Variants in CUEDC1 observed in about 807,000 individuals in gnomAD.
CUEDC1 encodes CUE domain-containing protein 1.
A neutral mutation model predicts 43.7 loss-of-function variants in CUEDC1; 30 were observed. That is an observed-to-expected ratio of 0.69 (90% confidence interval 0.51 to 0.93). CUEDC1 has a LOEUF of 0.93. Ranked by LOEUF, CUEDC1 falls within the 40% of genes least tolerant of loss-of-function variation. The probability of loss-of-function intolerance (pLI) is 0.00; values close to 1 mark genes in which losing one functional copy is unlikely to be tolerated. For missense variants in CUEDC1, 486 were observed against 549.0 expected (o/e 0.89, Z 1.15); for synonymous variants, 223 against 223.6 (o/e 1.00, Z 0.02).
intron 1 of CUEDC1, among the ~76,000 whole-genome samples, chr17:57,937,140 C>T (rs1024844476): frequency 1.3e-5 from 2 of 152,042 alleles, no homozygotes; most frequent in African/African-American, 4.8e-5. Flanking sequence ...TCTTAAAGGG[C>T]CTGGGCACCC....
chr17:57,931,220 G>A (rs1018568162), intron 1 of CUEDC1, among the ~76,000 whole-genome samples: 11 of 152,130 alleles, frequency 7.2e-5, no homozygotes, highest in African/African-American at 2.4e-4. Context: ...CTGGGAAGTC[G>A]AGGCTGCAGT....
chr17:57,885,252 A>G lies in CUEDC1; in HGVS notation c.313T>C (p.Ser105Pro). 6.3e-7 allele frequency: 1 copy of G among 1,591,234 alleles called. No homozygotes were observed. Among genetic ancestry groups the G allele is most frequent in the Non-Finnish European group, 8.6e-7 (1 of 1,166,798 alleles). The change falls in exon 2 of 11, where the codon TCG (serine) becomes CCG (proline). Residue 105 changes from serine to proline, a missense_variant. Ser to Pro is a moderately conservative substitution (Grantham distance 74). Transcript: ENST00000577830. ...SGGVYEDSSDSEDSIPPEILE... is the reference protein window; with the variant it reads ...SGGVYEDSSDPEDSIPPEILE... The stretch of plus-strand genomic sequence containing the variant: ...ACCTCCGGGGGGATGCTGTCCTCCG[A>G]GTCGGAGCTGTCCTCATAGACGCCG...
rs777598269 is a variant in CUEDC1, at chr17:57,886,817, G to GTTTTTT, written c.-315-944_-315-939dup. 9.3e-5 allele frequency among the ~76,000 whole-genome samples: 11 copies of GTTTTTT among 118,500 alleles called. 1 individual carries two copies. Among genetic ancestry groups the GTTTTTT allele is most frequent in the African/African-American group, 1.6e-4 (5 of 31,120 alleles). The allele number at this position is 118,500 out of a possible 152,430, so 77.7% of individuals were successfully genotyped here. ...ACCATATACATCATAAATTCTGGTT[G>GTTTTTT]TTTTTTTTTTTTTTTTTTTGAGACG... On this transcript the variant is annotated intron_variant, in intron 1 of 10. Coordinates refer to ENST00000577830, the MANE Select transcript of CUEDC1 (RefSeq NM_001271875.2).
At chr17:57,890,014 G>C (rs1296902288) in intron 1 of CUEDC1, among the ~76,000 whole-genome samples, 1 of 152,190 alleles carries the variant, frequency 6.6e-6, no homozygotes, top group Non-Finnish European at 1.5e-5. Context: ...TAGGCGACAG[G>C]TTTACGAGCC....
chr17:57,876,975 G>A (rs903874435), intron 3 of CUEDC1, among the ~76,000 whole-genome samples: 9 of 152,254 alleles, frequency 5.9e-5, no homozygotes, highest in African/African-American at 1.9e-4. Flanking sequence ...AGCTCAGAGA[G>A]GTTAAGCAAT....
chr17:57,882,021 GAA>G (rs2074212768), intron 2 of CUEDC1, among the ~76,000 whole-genome samples: 1 of 152,168 alleles, frequency 6.6e-6, no homozygotes, highest in African/African-American at 2.4e-5. Context: ...TAAAGGTGCT[GAA>G]GTTTTTGGGC....
intron 1 of CUEDC1, among the ~76,000 whole-genome samples, chr17:57,903,821 G>A (rs1420831280): frequency 6.6e-6 from 1 of 151,746 alleles, no homozygotes; most frequent in Non-Finnish European, 1.5e-5. Context: ...CTGTAGTCCC[G>A]GCTATTCAGG....
chr17:57,865,655 G>A (rs1390218429), intron 10 of CUEDC1, among the ~76,000 whole-genome samples: 1 of 152,118 alleles, frequency 6.6e-6, no homozygotes. Context: ...CACAGGAAGC[G>A]AGGAGGAGAA....
intron 1 of CUEDC1, among the ~76,000 whole-genome samples, chr17:57,946,781 G>A (rs1203264151): frequency 6.6e-6 from 1 of 152,110 alleles, no homozygotes; most frequent in African/African-American, 2.4e-5. Context: ...TTTGTCCTTT[G>A]CACATCTGAT....
intron 1 of CUEDC1, among the ~76,000 whole-genome samples, chr17:57,900,687 T>C (rs1376879726): frequency 6.6e-6 from 1 of 152,236 alleles, no homozygotes; most frequent in African/African-American, 2.4e-5. Flanking sequence ...GTGTGTGACC[T>C]AGAGGTTGTC....
In CUEDC1 at chr17:57,942,180, C is replaced by T. The variant is rs1280717343; in HGVS notation, c.-316+13045G>A. ...CTCCCGGCAAACTCAGAGAAGGGCC[C>T]GGCAGCTGGGAGGTGGAGCTGGCTG... is the stretch of plus-strand genomic sequence containing the variant. On this transcript the variant is annotated intron_variant, in intron 1 of 10. Coordinates refer to ENST00000577830, the MANE Select transcript of CUEDC1 (RefSeq NM_001271875.2). Among the ~76,000 whole-genome samples the T allele has an allele frequency of 2.6e-5, 4 of 152,154 alleles. No individual in the cohort carries two copies. In the South Asian group the frequency reaches 6.2e-4, roughly 24 times the overall value.
chr17:57,922,516 C>T (rs1160350085), intron 1 of CUEDC1: 2 of 152,188 alleles, frequency 1.3e-5, no homozygotes, highest in African/African-American at 4.8e-5. Context: ...GCCAGATTTT[C>T]CATGGAGAAC....
chr17:57,907,218 T>C (rs1194790112), intron 1 of CUEDC1, among the ~76,000 whole-genome samples: 2 of 152,088 alleles, frequency 1.3e-5, no homozygotes, highest in African/African-American at 4.8e-5. Context: ...CAGGGATACT[T>C]TGTGGACATT....
At position 57,869,179 on chromosome 17, in the gene CUEDC1, T is replaced by C. The variant is rs2074001865; in HGVS notation, c.883A>G (p.Asn295Asp). 1.2e-6 allele frequency: 2 copies of C among 1,613,862 alleles called. No homozygotes were observed. The highest frequency in any genetic ancestry group is 1.7e-5 in the Admixed American group (1 of 59,996). The change falls in exon 7 of 11, where the codon AAC (asparagine) becomes GAC (aspartate). Residue 295 changes from asparagine to aspartate, a missense_variant. By Grantham distance (23) the Asn-to-Asp change is conservative. Transcript: ENST00000577830. Reference protein sequence around the residue: ...SSPVPGTGDANPAVSEDALFR... With the variant: ...SSPVPGTGDADPAVSEDALFR... Reference sequence around the variant, plus strand: ...AAGGCATCTTCAGACACAGCGGGGTTGGCGTCGCCAGTTCCTGGAAGGAGA... The same window carrying C: ...AAGGCATCTTCAGACACAGCGGGGTCGGCGTCGCCAGTTCCTGGAAGGAGA...
At position 57,869,105 on chromosome 17, in the gene CUEDC1, G is replaced by T; in HGVS notation, c.940+17C>A. 1 of 1,613,182 alleles carries T rather than the reference G, an allele frequency of 6.2e-7. No individual in the cohort carries two copies. The highest frequency in any genetic ancestry group is 8.5e-7 in the Non-Finnish European group (1 of 1,179,524). ...CAGAAAAGCTGGGGAGGGAAGCGGG[G>T]CCTGAGTGGGACTCACACTTTCCCA... On this transcript the variant is annotated intron_variant, in intron 7 of 10. Transcript: ENST00000577830.
intron 1 of CUEDC1, among the ~76,000 whole-genome samples, chr17:57,908,825 G>A (rs766165460): frequency 2.6e-5 from 4 of 152,042 alleles, no homozygotes; most frequent in African/African-American, 2.4e-5. Context: ...GTGAAACCCC[G>A]TCTCTACTAA....
Position 57,866,527 on chromosome 17 carries a change from T to C in CUEDC1, c.1111A>G (p.Arg371Gly). 6.2e-7 allele frequency: 1 copy of C among 1,614,120 alleles called. No individual in the cohort carries two copies. The highest frequency in any genetic ancestry group is 8.5e-7 in the Non-Finnish European group (1 of 1,179,996). Residue 371 changes from arginine to glycine, a missense_variant, in exon 10 of 11, where the codon AGG (arginine) becomes GGG (glycine). Coordinates refer to ENST00000577830, the MANE Select transcript of CUEDC1 (RefSeq NM_001271875.2). ...GHACDEDFRG[R>G]RQEAPKVEEG... ...TCCACCTTGGGTGCCTCCTGACGCC[T>C]GCCCCGGAAGTCTTCATCTGAAAAG...
At chr17:57,916,748 C>T (rs931387037) in intron 1 of CUEDC1, among the ~76,000 whole-genome samples, 1 of 152,206 alleles carries the variant, frequency 6.6e-6, no homozygotes, top group African/African-American at 2.4e-5. Context: ...CCAGTCCAAG[C>T]AAAAACTCCC....
rs1288887486 is a variant in CUEDC1 at position 57,944,217 on chromosome 17, T to A, written c.-316+11008A>T. On this transcript the variant is annotated intron_variant, in intron 1 of 10. Coordinates refer to ENST00000577830, the MANE Select transcript of CUEDC1 (RefSeq NM_001271875.2). ...ATTTTTTTATATATATATATTTTTT[T>A]TTTTTTTTTTGAGACGGAGCTTCGC... Among the ~76,000 whole-genome samples, 146 of 147,630 alleles carry A rather than the reference T, an allele frequency of 9.9e-4. 1 individual carries two copies. The highest frequency in any genetic ancestry group is 2.8e-3 in the African/African-American group (116 of 40,900).
Sources: gnomAD v4.1 joint callset for allele counts (sites outside exome capture counted in the v4.1 genomes callset) on GRCh38, gnomAD v4.1.1 for gene constraint, MANE v1.5 for transcripts, NCBI Gene and HGNC (gene_info 2026-07-23, HGNC 2026-07-21) for gene names.